The following MOB3B variants were observed in gnomAD, a reference collection of about 807,000 sequenced individuals.
MOB3B encodes the protein MOB kinase activator 3B.
In MOB3B, 7 loss-of-function variants were observed where a neutral mutation model predicts 18.7. That is an observed-to-expected ratio of 0.37 (90% confidence interval 0.21 to 0.70). The LOEUF is 0.70. MOB3B is among the 30% of genes least tolerant of loss of function. MOB3B has a pLI of 0.52. For missense variants in MOB3B, 253 were observed against 281.3 expected, an observed-to-expected ratio of 0.90 and a Z score of 0.72; for synonymous variants, 111 against 99.9, an observed-to-expected ratio of 1.11 and a Z score of -0.66.
intron 2 of MOB3B, among the ~76,000 whole-genome samples, chr9:27,376,362 C>T (rs10812578): frequency 0.54 from 81,923 of 152,018 alleles, 22,426 homozygotes; most frequent in African/African-American, 0.61. Flanking sequence ...TTATACTCCA[C>T]AATAGATGTT....
At position 27,369,147 on chromosome 9, in the gene MOB3B, C is replaced by T. The variant is rs556845251; in HGVS notation, c.419-9911G>A. On this transcript the variant is annotated intron_variant, in intron 2 of 3. Transcript: ENST00000262244. ...ACTTCATTGGTTCTGGAAAGTCAGG[C>T]TGAGGTACCAGGAGTTTGATCAGGA... Among the ~76,000 whole-genome samples the T allele has an allele frequency of 2.6e-5, 4 of 152,262 alleles. No homozygotes were observed. The East Asian group carries it at 7.7e-4, about 29-fold the overall frequency.
intron 3 of MOB3B, among the ~76,000 whole-genome samples, chr9:27,332,709 G>T (rs1408802850): frequency 1.3e-5 from 2 of 152,180 alleles, no homozygotes; most frequent in Non-Finnish European, 2.9e-5. Flanking sequence ...AGTGTCTACT[G>T]CTATACAGAT....
intron 1 of MOB3B, among the ~76,000 whole-genome samples, chr9:27,470,338 C>T (rs769479093): frequency 2.0e-5 from 3 of 152,008 alleles, no homozygotes; most frequent in Non-Finnish European, 4.4e-5. Flanking sequence ...GTGTCTACTC[C>T]TCTCAACAGC....
intron 3 of MOB3B, among the ~76,000 whole-genome samples, chr9:27,331,311 T>C (rs796215422): frequency 6.6e-6 from 1 of 152,154 alleles, no homozygotes; most frequent in Admixed American, 6.5e-5. Context: ...CCCCTCTTCA[T>C]TTGTCAAATT....
chr9:27,395,003 T>G (rs10812583), intron 2 of MOB3B, among the ~76,000 whole-genome samples: 16,100 of 152,252 alleles, frequency 0.11, 979 homozygotes, highest in Admixed American at 0.17. Context: ...TCACTGCTGA[T>G]GAGAGGTCCA....
At chr9:27,370,658 C>T (rs1282499640) in intron 2 of MOB3B, among the ~76,000 whole-genome samples, 1 of 152,236 alleles carries the variant, frequency 6.6e-6, no homozygotes, top group Non-Finnish European at 1.5e-5. Flanking sequence ...TCTTGGACTT[C>T]CCAGCCTCCT....
At chr9:27,433,078 G>C (rs1284200577) in intron 2 of MOB3B, among the ~76,000 whole-genome samples, 3 of 150,302 alleles carry the variant, frequency 2.0e-5, no homozygotes, top group Non-Finnish European at 4.4e-5. Flanking sequence ...AATGAGATTT[G>C]CTGATTTTCT....
chr9:27,359,320 G>A (rs1250252788), intron 2 of MOB3B, 84 bp from the exon 3 acceptor site: 2 of 1,229,318 alleles, frequency 1.6e-6, no homozygotes, highest in Non-Finnish European at 2.3e-6. Flanking sequence ...AACTGTCTGA[G>A]GGCAATGCTA....
At chr9:27,348,453 G>C (rs938047068) in intron 3 of MOB3B, among the ~76,000 whole-genome samples, 1 of 152,050 alleles carries the variant, frequency 6.6e-6, no homozygotes, top group African/African-American at 2.4e-5. Flanking sequence ...AGGAGTTCCA[G>C]ACCAGCCTGG....
At chr9:27,399,587 G>A (rs771046351) in intron 2 of MOB3B, among the ~76,000 whole-genome samples, 10 of 152,286 alleles carry the variant, frequency 6.6e-5, no homozygotes, top group Non-Finnish European at 1.3e-4. Flanking sequence ...GACCTTCACT[G>A]ATGGGGTCTG....
chr9:27,488,097 A>T (rs1211448210), intron 1 of MOB3B, among the ~76,000 whole-genome samples: 1 of 152,154 alleles, frequency 6.6e-6, no homozygotes. Context: ...TTCAGCCTCA[A>T]ACCTGCCCTA....
At chr9:27,430,435 C>T (rs1822400727) in intron 2 of MOB3B, among the ~76,000 whole-genome samples, 1 of 152,210 alleles carries the variant, frequency 6.6e-6, no homozygotes. Flanking sequence ...AGGAAGCTAC[C>T]TCATCTTGGA....
chr9:27,425,495 T>G (rs562874312), intron 2 of MOB3B, among the ~76,000 whole-genome samples: 1 of 152,304 alleles, frequency 6.6e-6, no homozygotes, highest in East Asian at 1.9e-4. Flanking sequence ...TAGTACCCAT[T>G]ACATAACACC....
At chr9:27,491,572 T>G (rs1819820632) in intron 1 of MOB3B, among the ~76,000 whole-genome samples, 1 of 152,160 alleles carries the variant, frequency 6.6e-6, no homozygotes, top group Admixed American at 6.5e-5. Flanking sequence ...GAAAGATAAT[T>G]CCTTAAAAAT....
rs866499105 is a variant in MOB3B at position 27,326,258 on chromosome 9, T to C, written c.*4329A>G. 5.9e-5 allele frequency: 23 copies of C among 388,386 alleles called. No homozygotes were observed. In the South Asian group the frequency reaches 7.2e-4, roughly 12 times the overall value. The allele number at this position is 388,386 out of a possible 1,614,324, so 24.1% of individuals were successfully genotyped here. Reference sequence around the variant, plus strand: ...AAGGTTTCACGTTGAGTTACATCAGTGGTCAACAATGGAGCAACAAGACTC... The same window carrying C: ...AAGGTTTCACGTTGAGTTACATCAGCGGTCAACAATGGAGCAACAAGACTC... On this transcript the variant is annotated 3_prime_UTR_variant, in exon 4 of 4. Transcript: ENST00000262244.
Position 27,455,160 on chromosome 9 carries a change from T to G in MOB3B, c.391A>C (p.Asn131His). 1 of 1,614,150 alleles carries G rather than the reference T, an allele frequency of 6.2e-7. No homozygotes were observed. The highest frequency in any genetic ancestry group is 8.5e-7 in the Non-Finnish European group (1 of 1,180,006). Residue 131 changes from asparagine (N) to histidine (H), a missense_variant, in exon 2 of 4, where the codon AAC (asparagine) becomes CAC (histidine). Coordinates refer to ENST00000262244, the MANE Select transcript of MOB3B (RefSeq NM_024761.5). ...LMDWIEVQIN[N>H]EEIFPTCVGV... ...ACGCATGTTGGAAATATTTCCTCGT[T>G]GTTGATCTGAACCTCAATCCAATCC...
chr9:27,348,947 T>G (rs990943634), intron 3 of MOB3B, among the ~76,000 whole-genome samples: 1 of 152,206 alleles, frequency 6.6e-6, no homozygotes, highest in Non-Finnish European at 1.5e-5. Context: ...GCTGAGGACA[T>G]GGAAGCCAAA....
chr9:27,435,435 A>C, intron 2 of MOB3B, among the ~76,000 whole-genome samples: 1 of 152,100 alleles, frequency 6.6e-6, no homozygotes, highest in Non-Finnish European at 1.5e-5. Context: ...AGTAGAGAGA[A>C]AAATTATTTT....
At chr9:27,374,294 G>A (rs1282758986) in intron 2 of MOB3B, among the ~76,000 whole-genome samples, 1 of 151,304 alleles carries the variant, frequency 6.6e-6, no homozygotes, top group African/African-American at 2.4e-5. Context: ...GGTGAAGCTG[G>A]ATTTAAACCT....
Sources: allele counts gnomAD v4.1 joint callset (sites outside exome capture counted in the v4.1 genomes callset), GRCh38; gene constraint gnomAD v4.1.1; transcripts MANE v1.5; gene names NCBI Gene and HGNC (gene_info 2026-07-23, HGNC 2026-07-21).